The following DLG2 variants were observed in gnomAD, a reference collection of about 807,000 sequenced individuals.
DLG2 encodes disks large homolog 2.
DLG2 carries 45 observed loss-of-function variants against 132.5 expected under a neutral mutation model. The observed-to-expected ratio is 0.34, with a 90% CI of 0.27 to 0.44. The LOEUF is 0.44. DLG2 is among the 20% of genes least tolerant of loss of function. The probability of loss-of-function intolerance (pLI) is 1.00; values close to 1 mark genes in which losing one functional copy is unlikely to be tolerated. For missense variants in DLG2, 1,045 were observed against 1,196.9 expected, an observed-to-expected ratio of 0.87 and a Z score of 1.87; for synonymous variants, 424 against 419.6, an observed-to-expected ratio of 1.01 and a Z score of -0.13.
chr11:84,865,928 C>A (rs574092748), intron 6 of DLG2, among the ~76,000 whole-genome samples: 1 of 152,198 alleles, frequency 6.6e-6, no homozygotes, highest in African/African-American at 2.4e-5. Context: ...CCTTTGCCAA[C>A]CCCCTAAGGA....
intron 3 of DLG2, among the ~76,000 whole-genome samples, chr11:85,308,381 C>T (rs1437053497): frequency 6.6e-6 from 1 of 151,986 alleles, no homozygotes; most frequent in Non-Finnish European, 1.5e-5. Flanking sequence ...CCGATTTCTA[C>T]AGACTAAGTC....
At chr11:84,370,054 G>A (rs1287217891) in intron 7 of DLG2, among the ~76,000 whole-genome samples, 1 of 151,738 alleles carries the variant, frequency 6.6e-6, no homozygotes, top group African/African-American at 2.4e-5. Context: ...GAAGAGAGAG[G>A]GTATTTACCT....
At chr11:84,758,594 A>G (rs983522303) in intron 6 of DLG2, among the ~76,000 whole-genome samples, 5 of 152,134 alleles carry the variant, frequency 3.3e-5, no homozygotes, top group African/African-American at 9.7e-5. Flanking sequence ...TTTCTCCCCT[A>G]GGCCACCTCA....
intron 7 of DLG2, among the ~76,000 whole-genome samples, chr11:84,425,508 T>G (rs1221859051): frequency 2.0e-5 from 3 of 152,140 alleles, no homozygotes. Context: ...CAAAAGCCAT[T>G]TTCATAAAGC....
At chr11:85,466,731 AGTCAGGTAGC>A (rs1459889575) in intron 3 of DLG2, among the ~76,000 whole-genome samples, 1 of 152,196 alleles carries the variant, frequency 6.6e-6, no homozygotes, top group Non-Finnish European at 1.5e-5. Flanking sequence ...TATAGTTTGA[AGTCAGGTAGC>A]GTGGTGCCTC....
rs578017314 is a variant in DLG2, at chr11:84,428,845, A to G, written c.519+105725T>C. On this transcript the variant is annotated intron_variant, in intron 7 of 27. Transcript: ENST00000376104. ...AACAATAAACATTTCATCCTCAACTATAAGCTTGTAATGATATGGCATGTG... is the reference window on the plus strand; with the variant it reads ...AACAATAAACATTTCATCCTCAACTGTAAGCTTGTAATGATATGGCATGTG... Among the ~76,000 whole-genome samples, 54 of 152,290 alleles carry G rather than the reference A, an allele frequency of 3.5e-4. 1 individual carries two copies. The South Asian group carries it at 0.011, about 30-fold the overall frequency.
rs1230021151 is a variant in DLG2, at chr11:84,804,474, C to G, written c.358-269743G>C. 4.6e-5 allele frequency among the ~76,000 whole-genome samples: 7 copies of G among 152,168 alleles called. No homozygotes were observed. The South Asian group carries it at 1.2e-3, about 27-fold the overall frequency. The stretch of plus-strand genomic sequence containing the variant: ...AAACCCCTGGGCATTATATATAAAA[C>G]AAGCATGAGAATACTCTAAAAGTTG... On this transcript the variant is annotated intron_variant, in intron 6 of 27. Transcript: ENST00000376104.
At chr11:83,472,915 A>G (rs2092239934) in intron 22 of DLG2, 138 bp from the exon 23 acceptor site, 1 of 694,030 alleles carries the variant, frequency 1.4e-6, no homozygotes, top group African/African-American at 1.8e-5. Flanking sequence ...ATTCAAAAAT[A>G]ACTTCATCCT....
chr11:85,346,061 C>G (rs1210493733), intron 3 of DLG2, among the ~76,000 whole-genome samples: 1 of 152,012 alleles, frequency 6.6e-6, no homozygotes, highest in East Asian at 1.9e-4. Flanking sequence ...GAAAGAACAG[C>G]TACTCCATAG....
chr11:85,459,314 G>A (rs568272129), intron 3 of DLG2, among the ~76,000 whole-genome samples: 1 of 152,176 alleles, frequency 6.6e-6, no homozygotes, highest in Non-Finnish European at 1.5e-5. Flanking sequence ...GGCTCTGCTT[G>A]TTGAGGAGTG....
chr11:84,250,789 C>A (rs2097362087), intron 8 of DLG2, among the ~76,000 whole-genome samples: 1 of 152,192 alleles, frequency 6.6e-6, no homozygotes, highest in African/African-American at 2.4e-5. Context: ...TATAGATAGG[C>A]TCTACCCTCA....
intron 3 of DLG2, among the ~76,000 whole-genome samples, chr11:85,336,768 T>C (rs2082162212): frequency 6.6e-6 from 1 of 152,200 alleles, no homozygotes; most frequent in South Asian, 2.1e-4. Context: ...AATCTCCCAG[T>C]GCCAAACTGA....
intron 17 of DLG2, among the ~76,000 whole-genome samples, chr11:83,787,369 T>C (rs767042952): frequency 7.5e-6 from 1 of 132,608 alleles, no homozygotes; most frequent in African/African-American, 2.8e-5. Context: ...TCGCCCAGGC[T>C]GGAGTGCAGT....
At chr11:83,739,664 A>G (rs1328135150) in intron 18 of DLG2, among the ~76,000 whole-genome samples, 1 of 152,228 alleles carries the variant, frequency 6.6e-6, no homozygotes, top group Admixed American at 6.5e-5. Flanking sequence ...CCCAGAAGAT[A>G]AAGTAAGCTT....
At chr11:83,804,550 C>T (rs1233910266) in intron 17 of DLG2, among the ~76,000 whole-genome samples, 3 of 148,292 alleles carry the variant, frequency 2.0e-5, no homozygotes, top group African/African-American at 4.9e-5. Flanking sequence ...CTCACTCTCT[C>T]CACTTACCTA....
At chr11:83,506,772 C>A in intron 21 of DLG2, among the ~76,000 whole-genome samples, 2 of 152,314 alleles carry the variant, frequency 1.3e-5, no homozygotes, top group Admixed American at 1.3e-4. Flanking sequence ...TTCTCTCACA[C>A]GTTTCTATTG....
chr11:85,220,587 T>C (rs976960884), intron 4 of DLG2, among the ~76,000 whole-genome samples: 6 of 151,376 alleles, frequency 4.0e-5, no homozygotes, highest in Non-Finnish European at 8.8e-5. Flanking sequence ...CTACATAGGG[T>C]ACATTTTGAG....
intron 3 of DLG2, among the ~76,000 whole-genome samples, chr11:85,507,434 T>C (rs533197103): frequency 6.6e-6 from 1 of 152,156 alleles, no homozygotes; most frequent in Non-Finnish European, 1.5e-5. Flanking sequence ...AGCATTTGCT[T>C]GTCTGTAAAG....
intron 7 of DLG2, among the ~76,000 whole-genome samples, chr11:84,256,134 T>C (rs530831325): frequency 6.6e-6 from 1 of 152,200 alleles, no homozygotes; most frequent in East Asian, 1.9e-4. Context: ...ATACACTTTT[T>C]TTTTTGCTTG....
Sources: allele counts gnomAD v4.1 joint callset (sites outside exome capture counted in the v4.1 genomes callset), GRCh38; gene constraint gnomAD v4.1.1; transcripts MANE v1.5; gene names NCBI Gene and HGNC (gene_info 2026-07-23, HGNC 2026-07-21).